The following SBF2 variants were observed in gnomAD, a reference collection of about 807,000 sequenced individuals.
The protein encoded by SBF2 is SET binding factor 2.
SBF2 carries 112 observed loss-of-function variants against 225.2 expected under a neutral mutation model. The ratio of observed to expected loss-of-function variants is 0.50; its 90% CI spans 0.43 to 0.58. The LOEUF (loss-of-function observed/expected upper bound fraction) is 0.58, where lower values mean the gene tolerates loss of function less well. Ranked by LOEUF, SBF2 falls within the 20% of genes least tolerant of loss-of-function variation. The pLI, the probability that SBF2 is intolerant of heterozygous loss-of-function variation, is 0.00. For synonymous variants in SBF2, 763 were observed against 773.3 expected (o/e 0.99, Z 0.22); for missense variants, 1,996 against 2,206.2 (o/e 0.90, Z 1.91).
intron 2 of SBF2, among the ~76,000 whole-genome samples, chr11:10,044,760 C>T (rs777430515): frequency 3.3e-5 from 5 of 152,228 alleles, no homozygotes; most frequent in African/African-American, 4.8e-5. Context: ...TGTCCAGACA[C>T]GTCTTGTGCC....
chr11:9,858,776 C>A (rs1857502735), intron 17 of SBF2, among the ~76,000 whole-genome samples: 1 of 152,182 alleles, frequency 6.6e-6, no homozygotes, highest in African/African-American at 2.4e-5. Context: ...AACATTTCTT[C>A]TATGGCTTTA....
At chr11:9,909,247 C>T (rs1862377347) in intron 16 of SBF2, among the ~76,000 whole-genome samples, 1 of 152,028 alleles carries the variant, frequency 6.6e-6, no homozygotes, top group Non-Finnish European at 1.5e-5. Flanking sequence ...CTCACTTTAG[C>T]CTAACCACTT....
chr11:10,300,518 T>C (rs1406788834), intron 1 of SBF2, among the ~76,000 whole-genome samples: 2 of 151,020 alleles, frequency 1.3e-5, no homozygotes, highest in African/African-American at 4.9e-5. Context: ...GAAAAAAATA[T>C]ATATAAATAT....
rs976154697 is a variant in SBF2, at chr11:10,299,352, A to G, written n.386+5140T>C. Reference sequence around the variant, plus strand: ...GAGTCCATCTCAAAAAAAAAAAAAAAAAAAAAGGAAGTGTCCTGCAGTTGC... The same window carrying G: ...GAGTCCATCTCAAAAAAAAAAAAAAGAAAAAAGGAAGTGTCCTGCAGTTGC... On this transcript the variant is annotated intron_variant and non_coding_transcript_variant, in intron 1 of 5. Transcript: ENST00000685217. Among the ~76,000 whole-genome samples the G allele has an allele frequency of 1.5e-4, 23 of 151,782 alleles. 1 individual carries two copies. In the East Asian group the frequency reaches 4.2e-3, roughly 28 times the overall value.
chr11:9,911,498 G>A (rs534198730), intron 16 of SBF2, among the ~76,000 whole-genome samples: 1 of 152,140 alleles, frequency 6.6e-6, no homozygotes, highest in African/African-American at 2.4e-5. Context: ...GAGTCAAATA[G>A]TTTAAAAAAT....
intron 17 of SBF2, among the ~76,000 whole-genome samples, chr11:9,888,283 G>A (rs892967927): frequency 3.1e-4 from 47 of 152,140 alleles, no homozygotes; most frequent in Non-Finnish European, 5.0e-4. Context: ...GATCACTTGA[G>A]CCCAGGAGTT....
At chr11:10,190,509 G>T (rs929216922) in intron 2 of SBF2, among the ~76,000 whole-genome samples, 1 of 152,106 alleles carries the variant, frequency 6.6e-6, no homozygotes, top group Non-Finnish European at 1.5e-5. Flanking sequence ...TAGAAAAATA[G>T]AAGGCAATTT....
intron 2 of SBF2, among the ~76,000 whole-genome samples, chr11:10,137,550 C>G (rs1954439700): frequency 6.6e-6 from 1 of 152,192 alleles, no homozygotes; most frequent in Non-Finnish European, 1.5e-5. Flanking sequence ...TGTTCTTTAT[C>G]AAGCTGAAGC....
chr11:10,063,661 A>C (rs1231199482), intron 2 of SBF2, among the ~76,000 whole-genome samples: 1 of 151,760 alleles, frequency 6.6e-6, no homozygotes. Flanking sequence ...CTGGCCAAAA[A>C]TTTTTTAAAA....
intron 17 of SBF2, among the ~76,000 whole-genome samples, chr11:9,875,585 G>C (rs1489342451): frequency 6.6e-6 from 1 of 152,184 alleles, no homozygotes; most frequent in Non-Finnish European, 1.5e-5. Flanking sequence ...AGTTGTGAGG[G>C]AAATGAAGTC....
chr11:9,992,290 A>C, intron 12 of SBF2, 125 bp downstream of exon 12: 1 of 719,686 alleles, frequency 1.4e-6, no homozygotes, highest in Non-Finnish European at 2.2e-6. Flanking sequence ...ATAATAAATA[A>C]CATTGGGATT....
intron 29 of SBF2, among the ~76,000 whole-genome samples, chr11:9,812,947 A>G (rs1854274699): frequency 6.6e-6 from 1 of 152,256 alleles, no homozygotes; most frequent in African/African-American, 2.4e-5. Context: ...GAGGTAGATT[A>G]CTTAGCCTAA....
chr11:10,191,944 G>C (rs1034258629), intron 2 of SBF2, among the ~76,000 whole-genome samples: 1 of 152,082 alleles, frequency 6.6e-6, no homozygotes, highest in African/African-American at 2.4e-5. Flanking sequence ...TATGATGTCT[G>C]TTGGTTCCTG....
chr11:10,063,854 C>CAGAGAG (rs1213684004), intron 2 of SBF2, among the ~76,000 whole-genome samples: 3 of 126,292 alleles, frequency 2.4e-5, no homozygotes, highest in African/African-American at 8.9e-5. Flanking sequence ...CACACACACA[C>CAGAGAG]ACACAGAGAG....
intron 2 of SBF2, among the ~76,000 whole-genome samples, chr11:10,193,042 C>T (rs532378491): frequency 1.5e-3 from 223 of 152,184 alleles, no homozygotes; most frequent in African/African-American, 5.0e-3. Flanking sequence ...AAACGGGTAA[C>T]AACAACAACA....
intron 2 of SBF2, among the ~76,000 whole-genome samples, chr11:10,047,164 G>A (rs1278071783): frequency 6.6e-6 from 1 of 152,086 alleles, no homozygotes; most frequent in Non-Finnish European, 1.5e-5. Flanking sequence ...TCATGGATAG[G>A]AAGACTCAAT....
intron 2 of SBF2, among the ~76,000 whole-genome samples, chr11:10,160,006 CCT>C (rs1955661803): frequency 2.6e-5 from 4 of 152,072 alleles, no homozygotes; most frequent in Non-Finnish European, 4.4e-5. Context: ...TTGCAATTCC[CCT>C]GTCTTGATGA....
intron 2 of SBF2, among the ~76,000 whole-genome samples, chr11:10,180,966 G>T (rs1454756581): frequency 6.6e-6 from 1 of 152,012 alleles, no homozygotes; most frequent in Non-Finnish European, 1.5e-5. Flanking sequence ...GATATTAGAG[G>T]TTTTTCTGGT....
intron 2 of SBF2, among the ~76,000 whole-genome samples, chr11:10,090,485 C>T (rs1019343736): frequency 3.3e-5 from 5 of 152,116 alleles, no homozygotes; most frequent in Non-Finnish European, 7.4e-5. Context: ...CTATTAGACG[C>T]TGGGCGCAGT....
Sources: gnomAD v4.1 joint callset for allele counts (sites outside exome capture counted in the v4.1 genomes callset) on GRCh38, gnomAD v4.1.1 for gene constraint, MANE v1.5 for transcripts, NCBI Gene and HGNC (gene_info 2026-07-23, HGNC 2026-07-21) for gene names.